BAIAP2: variants seen among roughly 807,000 people sequenced by gnomAD.
The protein encoded by BAIAP2 is BAR/IMD domain containing adaptor protein 2.
In BAIAP2, 18 loss-of-function variants were observed where a neutral mutation model predicts 63.0. The ratio of observed to expected loss-of-function variants is 0.29; its 90% confidence interval spans 0.20 to 0.42. The LOEUF is 0.42. Among genes scored for constraint, BAIAP2 ranks in the 10% least tolerant of loss-of-function variants. The pLI, the probability that BAIAP2 is intolerant of heterozygous loss-of-function variation, is 1.00. For missense variants in BAIAP2, 610 were observed against 734.3 expected, an observed-to-expected ratio of 0.83 and a Z score of 1.96; for synonymous variants, 386 against 307.6, an observed-to-expected ratio of 1.25 and a Z score of -2.67.
chr17:81,105,610 G>A (rs796217808), intron 10 of BAIAP2: 22 of 164,188 alleles, frequency 1.3e-4, no homozygotes, highest in African/African-American at 5.3e-4. Context: ...GTGCGGGTGT[G>A]TCTCTTGGCA....
intron 7 of BAIAP2, among the ~76,000 whole-genome samples, chr17:81,103,263 C>G (rs570179718): frequency 6.6e-6 from 1 of 152,258 alleles, no homozygotes; most frequent in African/African-American, 2.4e-5. Flanking sequence ...TGGGTTTGCT[C>G]TCATCCCTGG....
At chr17:81,104,174 G>A (rs1208225425) in intron 9 of BAIAP2, 66 bp downstream of exon 9, 2 of 1,548,614 alleles carry the variant, frequency 1.3e-6, no homozygotes, top group African/African-American at 1.4e-5. Context: ...CTACAGTCAT[G>A]CCACAACCCT....
intron 3 of BAIAP2, among the ~76,000 whole-genome samples, chr17:81,063,071 A>G (rs2144544758): frequency 6.6e-6 from 1 of 152,248 alleles, no homozygotes. Context: ...CAGGGCCCAC[A>G]GGAGCGGGGA....
At chr17:81,096,734 T>A (rs1464590545) in intron 6 of BAIAP2, among the ~76,000 whole-genome samples, 2 of 152,246 alleles carry the variant, frequency 1.3e-5, no homozygotes, top group African/African-American at 4.8e-5. Context: ...ATGGCTGCAG[T>A]ATGTGGCGTC....
At chr17:81,058,627 C>T (rs552297348) in intron 3 of BAIAP2, among the ~76,000 whole-genome samples, 19 of 152,360 alleles carry the variant, frequency 1.2e-4, no homozygotes, top group African/African-American at 4.3e-4. Flanking sequence ...TGCTCACTTG[C>T]TGCTCCCAGA....
chr17:81,069,661 T>C (rs958320456), intron 3 of BAIAP2, among the ~76,000 whole-genome samples: 191 of 152,162 alleles, frequency 1.3e-3, no homozygotes, highest in Non-Finnish European at 2.5e-4. Context: ...GGCGTGGTTC[T>C]CCATCCATGG....
At chr17:81,056,849 TGTTGCGTTTTTCTGC>T (rs2049660990) in intron 2 of BAIAP2, among the ~76,000 whole-genome samples, 1 of 151,930 alleles carries the variant, frequency 6.6e-6, no homozygotes, top group Non-Finnish European at 1.5e-5. Context: ...GTTTTTCTGC[TGTTGCGTTTTTCTGC>T]TGTTGCGTTT....
At chr17:81,055,574 G>GTTTTTTTTTTTTTTTTTGTTTTT (rs1555657874) in intron 2 of BAIAP2, among the ~76,000 whole-genome samples, 1 of 123,406 alleles carries the variant, frequency 8.1e-6, no homozygotes, top group African/African-American at 2.9e-5. Flanking sequence ...AGGGTGTTTT[G>GTTTTTTTTTTTTTTTTTGTTTTT]TTTTTTTTTG....
intron 7 of BAIAP2, 122 bp from the exon 8 acceptor site, chr17:81,103,380 A>G (rs1173846732): frequency 3.2e-6 from 3 of 932,686 alleles, no homozygotes; most frequent in African/African-American, 1.7e-5. Flanking sequence ...GCCGAGAGGT[A>G]CCACCTGGTG....
intron 1 of BAIAP2, among the ~76,000 whole-genome samples, chr17:81,048,517 A>T (rs1006399677): frequency 6.6e-6 from 1 of 152,082 alleles, no homozygotes; most frequent in Non-Finnish European, 1.5e-5. Context: ...GGAGGTGGAG[A>T]TGACGGGGGT....
At chr17:81,042,091 C>G (rs1012818323) in intron 1 of BAIAP2, among the ~76,000 whole-genome samples, 2 of 151,894 alleles carry the variant, frequency 1.3e-5, no homozygotes, top group African/African-American at 4.8e-5. Context: ...TCTTCCAAGC[C>G]CCTGCTCTTC....
At chr17:81,090,361 G>A (rs905997327) in intron 6 of BAIAP2, among the ~76,000 whole-genome samples, 7 of 152,192 alleles carry the variant, frequency 4.6e-5, no homozygotes, top group South Asian at 2.1e-4. Context: ...ACGGACCTCC[G>A]CCTCTGCTCC....
intron 6 of BAIAP2, among the ~76,000 whole-genome samples, chr17:81,089,015 T>G (rs9914272): frequency 0.45 from 67,899 of 152,164 alleles, 16,115 homozygotes; most frequent in Admixed American, 0.51. Context: ...CCAGGCCTCT[T>G]CAGGAGGGCC....
intron 13 of BAIAP2, among the ~76,000 whole-genome samples, chr17:81,112,764 C>T (rs933955370): frequency 3.3e-5 from 5 of 152,196 alleles, no homozygotes; most frequent in South Asian, 4.1e-4. Context: ...GTGAAGCTGC[C>T]GCTTGGCCGA....
chr17:81,055,379 A>G (rs1172209329), intron 2 of BAIAP2, among the ~76,000 whole-genome samples: 3 of 151,708 alleles, frequency 2.0e-5, no homozygotes, highest in African/African-American at 4.8e-5. Flanking sequence ...TGGGACAGGG[A>G]GCTCCCTTGG....
intron 3 of BAIAP2, among the ~76,000 whole-genome samples, chr17:81,075,625 C>T (rs1010808736): frequency 7.2e-5 from 11 of 152,336 alleles, no homozygotes; most frequent in African/African-American, 2.6e-4. Context: ...CTGAGTGACC[C>T]TCTCCAAGGA....
At position 81,085,652 on chromosome 17, in the gene BAIAP2, A is replaced by G. The variant is rs752272064; in HGVS notation, c.280-2A>G. 6.2e-7 allele frequency: 1 copy of G among 1,613,496 alleles called. No homozygotes were observed. Among genetic ancestry groups the G allele is most frequent in the Non-Finnish European group, 8.5e-7 (1 of 1,179,666 alleles). On this transcript the variant is annotated splice_acceptor_variant, in intron 4 of 13. Coordinates refer to ENST00000428708, the MANE Select transcript of BAIAP2 (RefSeq NM_001144888.2). LOFTEE classifies it high-confidence loss of function. Reference sequence around the variant, plus strand: ...GCTGATGTGTTTTCTCTCCATGTCCAGCTGAAGTCTTTTCACAACGAGCTG... The same window carrying G: ...GCTGATGTGTTTTCTCTCCATGTCCGGCTGAAGTCTTTTCACAACGAGCTG...
At chr17:81,055,196 C>CT (rs928645968) in intron 2 of BAIAP2, among the ~76,000 whole-genome samples, 3 of 152,182 alleles carry the variant, frequency 2.0e-5, no homozygotes, top group Non-Finnish European at 2.9e-5. Context: ...GCCCTCGTTC[C>CT]TTTTTTACCA....
Position 81,108,488 on chromosome 17 carries a change from A to G in BAIAP2, c.1514A>G (p.Tyr505Cys). The change falls in exon 13 of 14, where the codon TAT becomes TGT. Residue 505 changes from tyrosine (Y) to cysteine (C), a missense_variant. By Grantham distance (194) the Tyr-to-Cys change is radical. Transcript: ENST00000428708. Reference protein sequence around the residue: ...VPAFSQGLDDYGARSMSRNPF... With the variant: ...VPAFSQGLDDCGARSMSRNPF... ...CTCTGCCCCCAGGGCCTGGATGACTATGGAGCGCGGTCCATGAGCAGGTAA... is the reference window on the plus strand; with the variant it reads ...CTCTGCCCCCAGGGCCTGGATGACTGTGGAGCGCGGTCCATGAGCAGGTAA... 6 of 1,613,776 alleles carry G rather than the reference A, an allele frequency of 3.7e-6. No individual in the cohort carries two copies. Among genetic ancestry groups the G allele is most frequent in the East Asian group, 4.5e-5 (2 of 44,856 alleles).
Sources: gnomAD v4.1 joint callset for allele counts (sites outside exome capture counted in the v4.1 genomes callset) on GRCh38, gnomAD v4.1.1 for gene constraint, MANE v1.5 for transcripts, NCBI Gene and HGNC (gene_info 2026-07-23, HGNC 2026-07-21) for gene names.